Variants in IL1RAPL1 observed in about 807,000 individuals in gnomAD.
The protein encoded by IL1RAPL1 is interleukin-1 receptor accessory protein-like 1.
IL1RAPL1 carries 3 observed loss-of-function variants against 48.4 expected under a neutral mutation model. The ratio of observed to expected loss-of-function variants is 0.06; its 90% CI spans 0.03 to 0.16. The LOEUF (loss-of-function observed/expected upper bound fraction) is 0.16, where lower values mean the gene tolerates loss of function less well. IL1RAPL1 is among the 10% of genes least tolerant of loss of function. The pLI, the probability that IL1RAPL1 is intolerant of heterozygous loss-of-function variation, is 1.00. For synonymous variants in IL1RAPL1, 185 were observed against 187.7 expected (o/e 0.99, Z 0.12); for missense variants, 349 against 530.6 (o/e 0.66, Z 3.36).
At chrX:29,513,765 C>G (rs1403265274) in intron 5 of IL1RAPL1, among the ~76,000 whole-genome samples, 1 of 111,917 alleles carries the variant, frequency 8.9e-6, no homozygotes, top group African/African-American at 3.2e-5. Context: ...TTTAGAATAG[C>G]TGGAACTATT....
At chrX:29,164,632 A>G (rs1198382751) in intron 2 of IL1RAPL1, among the ~76,000 whole-genome samples, 1 of 111,899 alleles carries the variant, frequency 8.9e-6, no homozygotes, top group Non-Finnish European at 1.9e-5. Flanking sequence ...AAATTTTATT[A>G]TAGGAGAAAA....
At position 29,381,833 on chromosome X, in the gene IL1RAPL1, A is replaced by ATATAT. The variant is rs1556002319; in HGVS notation, c.363-14425_363-14424insTATAT. 7.5e-4 allele frequency among the ~76,000 whole-genome samples: 19 copies of ATATAT among 25,351 alleles called. No individual in the cohort carries two copies. In the South Asian group the frequency reaches 7.5e-3, roughly 10 times the overall value. 22.0% of individuals were successfully genotyped at this position (25,351 alleles called of 115,157 possible). A position where few individuals can be genotyped will look rare whatever the true frequency, so the allele number is the denominator to read the frequency against. ...TGTTGCCAAAAAAAAAAAAAAAAAAAATATATATATATATATATATATATA... is the reference window on the plus strand; with the variant it reads ...TGTTGCCAAAAAAAAAAAAAAAAAAATATATATATATATATATATATATATATATA... On this transcript the variant is annotated intron_variant, in intron 3 of 10. Transcript: ENST00000378993.
intron 3 of IL1RAPL1, among the ~76,000 whole-genome samples, chrX:29,335,285 AGGG>A (rs1258828926): frequency 5.3e-4 from 1 of 1,880 alleles, no homozygotes; most frequent in Non-Finnish European, 0.012. Flanking sequence ...GAGAGGGGAG[AGGG>A]GAGAGGGGAG....
chrX:29,064,167 A>G (rs1426794055), intron 2 of IL1RAPL1, among the ~76,000 whole-genome samples: 3 of 112,316 alleles, frequency 2.7e-5, no homozygotes, highest in Admixed American at 9.5e-5. Flanking sequence ...CTTGCCAGTC[A>G]GGATTGATCC....
At chrX:29,230,503 C>CTAAAAAAAAAA (rs1931169662) in intron 2 of IL1RAPL1, among the ~76,000 whole-genome samples, 1 of 7,115 alleles carries the variant, frequency 1.4e-4, no homozygotes, top group Non-Finnish European at 2.3e-4. Flanking sequence ...GGTCCCTTTA[C>CTAAAAAAAAAA]CAAAAAAAAA....
chrX:28,897,685 C>A, intron 2 of IL1RAPL1, among the ~76,000 whole-genome samples: 1 of 111,918 alleles, frequency 8.9e-6, no homozygotes, highest in Non-Finnish European at 1.9e-5. Flanking sequence ...GAGTTCCCCC[C>A]TCCCCGATCT....
chrX:29,574,410 A>G (rs1239619472), intron 5 of IL1RAPL1: 2 of 109,127 alleles, frequency 1.8e-5, no homozygotes, highest in South Asian at 8.4e-4. Context: ...CCCAAATCTC[A>G]TGTCCTTCTC....
At chrX:28,664,797 A>G (rs1363842910) in intron 1 of IL1RAPL1, among the ~76,000 whole-genome samples, 1 of 111,723 alleles carries the variant, frequency 9.0e-6, no homozygotes, top group East Asian at 2.8e-4. Context: ...AGAGAACTGC[A>G]CTTGTCAGGC....
intron 2 of IL1RAPL1, among the ~76,000 whole-genome samples, chrX:28,953,709 C>A (rs1314255840): frequency 1.8e-5 from 2 of 110,721 alleles, no homozygotes; most frequent in Non-Finnish European, 3.8e-5. Flanking sequence ...CATAATTCCA[C>A]CTTTATGAAT....
At chrX:28,717,410 T>A (rs1458992070) in intron 1 of IL1RAPL1, among the ~76,000 whole-genome samples, 1 of 111,210 alleles carries the variant, frequency 9.0e-6, no homozygotes, top group African/African-American at 3.3e-5. Flanking sequence ...GAAAACCAAA[T>A]ACCACATATT....
intron 5 of IL1RAPL1, among the ~76,000 whole-genome samples, chrX:29,559,605 A>T (rs146664391): frequency 0.037 from 4,076 of 110,651 alleles, 75 homozygotes; most frequent in Middle Eastern, 0.13. Flanking sequence ...TAGACAGTCT[A>T]CTTTGTGATT....
At chrX:29,778,105 A>T (rs1929251140) in intron 6 of IL1RAPL1, among the ~76,000 whole-genome samples, 1 of 111,286 alleles carries the variant, frequency 9.0e-6, no homozygotes, top group Admixed American at 9.6e-5. Context: ...ATTGCAACAG[A>T]TATTTTTCCA....
chrX:29,789,780 CT>C (rs143889631), intron 6 of IL1RAPL1, among the ~76,000 whole-genome samples: 29,205 of 81,389 alleles, frequency 0.36, 3,865 homozygotes, highest in Middle Eastern at 0.46. Flanking sequence ...TCATGAGTTT[CT>C]TTTTTTTTTT....
intron 5 of IL1RAPL1, among the ~76,000 whole-genome samples, chrX:29,525,644 T>TCACCTGC (rs1412260023): frequency 8.9e-6 from 1 of 112,243 alleles, no homozygotes; most frequent in Non-Finnish European, 1.9e-5. Context: ...AGGAGGTTAT[T>TCACCTGC]CACCTGCCCA....
rs191394490 is a variant in IL1RAPL1 at position 29,865,628 on chromosome X, T to G, written c.779-51836T>G. On this transcript the variant is annotated intron_variant, in intron 6 of 10. Coordinates refer to ENST00000378993, the MANE Select transcript of IL1RAPL1 (RefSeq NM_014271.4). ...TTCTGTTCATGTGCTGTTTTTTTCTTTTCTTTTCTTTTTTTTTTTTTTTTT... is the reference window on the plus strand; with the variant it reads ...TTCTGTTCATGTGCTGTTTTTTTCTGTTCTTTTCTTTTTTTTTTTTTTTTT... Among the ~76,000 whole-genome samples, 784 of 103,268 alleles carry G rather than the reference T, an allele frequency of 7.6e-3. 12 individuals carry two copies. The highest frequency in any genetic ancestry group is 0.026 in the African/African-American group (716 of 27,467). 89.7% of individuals were successfully genotyped at this position (103,268 alleles called of 115,157 possible). A position where few individuals can be genotyped will look rare whatever the true frequency, so the allele number is the denominator to read the frequency against.
At chrX:29,194,661 T>G (rs1930410270) in intron 2 of IL1RAPL1, among the ~76,000 whole-genome samples, 1 of 112,323 alleles carries the variant, frequency 8.9e-6, no homozygotes, top group African/African-American at 3.2e-5. Flanking sequence ...TAAAAGACAC[T>G]GGTATTTAAT....
intron 6 of IL1RAPL1, among the ~76,000 whole-genome samples, chrX:29,815,025 G>C (rs773369984): frequency 1.9e-3 from 207 of 111,547 alleles, no homozygotes; most frequent in Non-Finnish European, 3.4e-3. Context: ...CTCCAGCTTT[G>C]TTCTTTTTGC....
chrX:29,062,604 A>G (rs1927367059), intron 2 of IL1RAPL1, among the ~76,000 whole-genome samples: 1 of 112,275 alleles, frequency 8.9e-6, no homozygotes, highest in African/African-American at 3.2e-5. Flanking sequence ...AATAAAAGCA[A>G]TAAAATTTCA....
At chrX:28,747,888 T>G (rs1196037733) in intron 1 of IL1RAPL1, among the ~76,000 whole-genome samples, 1 of 111,557 alleles carries the variant, frequency 9.0e-6, no homozygotes, top group Non-Finnish European at 1.9e-5. Context: ...AAATATTGTT[T>G]CCCAGATTCT....
Sources: allele counts gnomAD v4.1 joint callset (sites outside exome capture counted in the v4.1 genomes callset), GRCh38; gene constraint gnomAD v4.1.1; transcripts MANE v1.5; gene names NCBI Gene and HGNC (gene_info 2026-07-23, HGNC 2026-07-21).